TUBGCP6: variants seen among roughly 807,000 people sequenced by gnomAD.
The protein encoded by TUBGCP6 is tubulin gamma complex component 6.
In TUBGCP6, 161 loss-of-function variants were observed where a neutral mutation model predicts 175.8. The ratio of observed to expected loss-of-function variants is 0.92; its 90% CI spans 0.81 to 1.04. The LOEUF is 1.04. TUBGCP6 is among the 50% of genes least tolerant of loss of function. TUBGCP6 has a pLI of 0.00. For missense variants in TUBGCP6, 2,572 were observed against 2,433.0 expected (o/e 1.06, Z -1.20); for synonymous variants, 1,173 against 1,030.5 (o/e 1.14, Z -2.65).
intron 14 of TUBGCP6, 131 bp downstream of exon 14, chr22:50,222,323 A>T (rs1483762142): frequency 7.2e-7 from 1 of 1,388,976 alleles, no homozygotes; most frequent in Non-Finnish European, 9.9e-7. Flanking sequence ...GGGGAGAGAG[A>T]GTGCTCTGCC....
Position 50,220,902 on chromosome 22 carries a change from G to C in TUBGCP6, c.3457C>G (p.Pro1153Ala). ...RVGENVSDVA[P>A]TRPRWNTHGH... Reference sequence around the variant, plus strand: ...TGGGTGTTCCACCGTGGCCGGGTGGGAGCCACGTCCGACACGTTCTCCCCA... The same window carrying C: ...TGGGTGTTCCACCGTGGCCGGGTGGCAGCCACGTCCGACACGTTCTCCCCA... The change falls in exon 16 of 25, where the codon CCC (proline) becomes GCC (alanine). Residue 1153 changes from proline to alanine, a missense_variant. By Grantham distance (27) the Pro-to-Ala change is conservative. Transcript: ENST00000248846. The C allele has an allele frequency of 1.2e-6, 2 of 1,612,450 alleles. No homozygotes were observed. Among genetic ancestry groups the C allele is most frequent in the Non-Finnish European group, 1.7e-6 (2 of 1,179,712 alleles).
chr22:50,219,956 C>T lies in TUBGCP6; in HGVS notation c.4167+1G>A. 1 of 1,614,096 alleles carries T rather than the reference C, an allele frequency of 6.2e-7. No homozygotes were observed. The highest frequency in any genetic ancestry group is 8.5e-7 in the Non-Finnish European group (1 of 1,179,982). Reference sequence around the variant, plus strand: ...GGACCCCCAGGCTGCATCCACCTAACCTGTGAGTTGAGAGGCCAATTTGGA... The same window carrying T: ...GGACCCCCAGGCTGCATCCACCTAATCTGTGAGTTGAGAGGCCAATTTGGA... On this transcript the variant is annotated splice_donor_variant, in intron 17 of 24. Coordinates refer to ENST00000248846, the MANE Select transcript of TUBGCP6 (RefSeq NM_020461.4). LOFTEE classifies it high-confidence loss of function.
At position 50,222,587 on chromosome 22, in the gene TUBGCP6, G is replaced by A. The variant is rs986833954; in HGVS notation, c.2276C>T (p.Ala759Val). 6.2e-7 allele frequency: 1 copy of A among 1,611,028 alleles called. No individual in the cohort carries two copies. The highest frequency in any genetic ancestry group is 8.5e-7 in the Non-Finnish European group (1 of 1,179,998). Residue 759 changes from alanine (A) to valine (V), a missense_variant, in exon 14 of 25, where the codon GCA becomes GTA. Physicochemically the swap from Ala to Val is moderately conservative, Grantham distance 64 (BLOSUM62 0). Transcript: ENST00000248846. ...GAGCTTGCTGTAGTGGTCGACCAGT[G>A]CCTGCCTGAAGCCACACACCAGAGA... is the stretch of plus-strand genomic sequence containing the variant. ...EEELERKARQ[A>V]LVDHYSKLSA...
Position 50,226,499 on chromosome 22 carries a change from T to C in TUBGCP6, c.1602-121A>G, listed in dbSNP as rs572403281. On this transcript the variant is annotated intron_variant, in intron 7 of 24. Transcript: ENST00000248846. ...TGAGGGGCAAGTGGGGGCGTAGCTG[T>C]GAGAGGTGGAGTGGGGTGTGGCCAT... 1.1e-3 allele frequency: 961 copies of C among 845,290 alleles called. 3 individuals are homozygous for C. The highest frequency in any genetic ancestry group is 2.5e-3 in the Middle Eastern group (10 of 3,944). 52.4% of individuals were successfully genotyped at this position (845,290 alleles called of 1,614,324 possible).
chr22:50,228,137 T>G (rs2064639818), intron 4 of TUBGCP6, 109 bp from the exon 5 acceptor site: 1 of 1,313,512 alleles, frequency 7.6e-7, no homozygotes, highest in African/African-American at 1.5e-5. Flanking sequence ...TTGCCTCAGC[T>G]CTGGGCTCCA....
intron 3 of TUBGCP6, among the ~76,000 whole-genome samples, chr22:50,233,088 C>A (rs1208604999): frequency 3.3e-5 from 5 of 152,246 alleles, no homozygotes; most frequent in African/African-American, 1.2e-4. Flanking sequence ...CAGCAATAAA[C>A]ATGTTATTTC....
rs138609686 is a variant in TUBGCP6 at position 50,217,807 on chromosome 22, G to A, written c.5389C>T (p.Arg1797Cys). 1.0e-4 allele frequency: 169 copies of A among 1,613,958 alleles called. No homozygotes were observed. The Middle Eastern group carries it at 1.8e-3, about 17-fold the overall frequency. Reference protein sequence around the residue: ...LFKVVTKLVNRGYQPHLEDFL... With the variant: ...LFKVVTKLVNCGYQPHLEDFL... The stretch of plus-strand genomic sequence containing the variant: ...TCCTCCAGGTGGGGCTGGTAGCCGC[G>A]GTTCACCAGCTTGGTCACCACTGGG... Residue 1797 changes from arginine to cysteine, a missense_variant, in exon 25 of 25, where the codon CGC becomes TGC. Coordinates refer to ENST00000248846, the MANE Select transcript of TUBGCP6 (RefSeq NM_020461.4).
Position 50,240,243 on chromosome 22 carries a change from T to C in TUBGCP6, c.866A>G (p.Tyr289Cys), listed in dbSNP as rs771849680. Residue 289 changes from tyrosine (Y) to cysteine (C), a missense_variant, in exon 2 of 25, where the codon TAT (tyrosine) becomes TGT (cysteine). Tyr to Cys is a radical substitution (Grantham distance 194). Coordinates refer to ENST00000248846, the MANE Select transcript of TUBGCP6 (RefSeq NM_020461.4). Reference sequence around the variant, plus strand: ...CCAGCACCTCCGCTTGCTGGCCTCATAGGTAAGTGCGGCTTCCCACAGGTC... The same window carrying C: ...CCAGCACCTCCGCTTGCTGGCCTCACAGGTAAGTGCGGCTTCCCACAGGTC... Reference protein sequence around the residue: ...DVDLWEAALTYEASKRRCWER... With the variant: ...DVDLWEAALTCEASKRRCWER... 1.1e-5 allele frequency: 17 copies of C among 1,613,940 alleles called. No individual in the cohort carries two copies. The South Asian group carries it at 1.8e-4, about 17-fold the overall frequency.
chr22:50,241,397 C>T (rs2064837395), intron 1 of TUBGCP6, among the ~76,000 whole-genome samples: 1 of 152,088 alleles, frequency 6.6e-6, no homozygotes, highest in Non-Finnish European at 1.5e-5. Flanking sequence ...CTTAGCAGAC[C>T]AGGAAAGGGA....
chr22:50,242,120 G>A (rs1454261038), intron 1 of TUBGCP6, among the ~76,000 whole-genome samples: 3 of 151,604 alleles, frequency 2.0e-5, no homozygotes, highest in Non-Finnish European at 2.9e-5. Context: ...GTGAAACCCC[G>A]TCTCTACTAA....
In TUBGCP6 at chr22:50,240,194, G is replaced by A. The variant is rs780511352; in HGVS notation, c.905+10C>T. On this transcript the variant is annotated intron_variant, in intron 2 of 24. Coordinates refer to ENST00000248846, the MANE Select transcript of TUBGCP6 (RefSeq NM_020461.4). ...GGGCACTGCATGCCAAGGCAAAGAA[G>A]GGCACACACCAGCCAACTCGCTCCC... 4 of 1,613,224 alleles carry A rather than the reference G, an allele frequency of 2.5e-6. No homozygotes were observed. The highest frequency in any genetic ancestry group is 3.4e-6 in the Non-Finnish European group (4 of 1,179,984).
chr22:50,230,017 G>T (rs1295527221), intron 3 of TUBGCP6, among the ~76,000 whole-genome samples: 2 of 152,072 alleles, frequency 1.3e-5, no homozygotes, highest in Non-Finnish European at 2.9e-5. Flanking sequence ...CCCAATAGAG[G>T]GCTCATGACA....
At position 50,221,494 on chromosome 22, in the gene TUBGCP6, A is replaced by G. The variant is rs1301988762; in HGVS notation, c.2865T>C (p.Thr955=). ...PSRPQEYDFS[T]VLRPAVATSP... ...AGGTGGCCACAGCTGGCCTCAGGACAGTACTAAAGTCGTACTCCTGTGGCC... is the reference window on the plus strand; with the variant it reads ...AGGTGGCCACAGCTGGCCTCAGGACGGTACTAAAGTCGTACTCCTGTGGCC... Residue 955 remains threonine (T), a synonymous_variant, in exon 16 of 25, where the codon ACT becomes ACC. Coordinates refer to ENST00000248846, the MANE Select transcript of TUBGCP6 (RefSeq NM_020461.4). 3 of 1,587,418 alleles carry G rather than the reference A, an allele frequency of 1.9e-6. No individual in the cohort carries two copies. The highest frequency in any genetic ancestry group is 1.8e-5 in the Admixed American group (1 of 55,726).
Position 50,220,141 on chromosome 22 carries a change from A to G in TUBGCP6, c.4108+110T>C, listed in dbSNP as rs17248273. 0.4 allele frequency: 621,411 copies of G among 1,545,284 alleles called. 125,562 individuals are homozygous for G. The highest frequency in any genetic ancestry group is 0.48 in the African/African-American group (35,026 of 73,196). The stretch of plus-strand genomic sequence containing the variant: ...CACAGCAGCCCAGGTCCTGGCTGAC[A>G]AGGAGGCCTGAGGGGAACTTCACAT... On this transcript the variant is annotated intron_variant, in intron 16 of 24. Coordinates refer to ENST00000248846, the MANE Select transcript of TUBGCP6 (RefSeq NM_020461.4).
In TUBGCP6 at chr22:50,244,669, G is replaced by A. The variant is rs1431400966; in HGVS notation, c.-210C>T. ...ACACGCCCTGCCCTCCCCAGTCCAA[G>A]CACGCTGCCCGGCGCCCGGCAGCCC... is the stretch of plus-strand genomic sequence containing the variant. On this transcript the variant is annotated 5_prime_UTR_variant, in exon 1 of 25. Coordinates refer to ENST00000248846, the MANE Select transcript of TUBGCP6 (RefSeq NM_020461.4). The A allele has an allele frequency of 6.4e-6, 5 of 778,674 alleles. No individual in the cohort carries two copies. The highest frequency in any genetic ancestry group is 5.3e-5 in the African/African-American group (3 of 56,944). The allele number at this position is 778,674 out of a possible 1,614,324, so 48.2% of individuals were successfully genotyped here.
At position 50,221,865 on chromosome 22, in the gene TUBGCP6, G is replaced by T. The variant is rs775476988; in HGVS notation, c.2494C>A (p.Pro832Thr). The T allele has an allele frequency of 1.3e-6, 2 of 1,513,466 alleles. No individual in the cohort carries two copies. Among genetic ancestry groups the T allele is most frequent in the East Asian group, 2.3e-5 (1 of 43,928 alleles). 93.8% of individuals were successfully genotyped at this position (1,513,466 alleles called of 1,614,324 possible). A position where few individuals can be genotyped will look rare whatever the true frequency, so the allele number is the denominator to read the frequency against. The change falls in exon 16 of 25, where the codon CCG (proline) becomes ACG (threonine). Residue 832 changes from proline (P) to threonine (T), a missense_variant. Transcript: ENST00000248846. ...CCTCCCTCTGGGTGCTCAGGGCCCG[G>T]AGACGTGACCTGAAACACAGGTGAC... is the stretch of plus-strand genomic sequence containing the variant. ...LLSVHPQVTSPGPEHPEGGQG... is the reference protein window; with the variant it reads ...LLSVHPQVTSTGPEHPEGGQG...
chr22:50,231,007 A>G (rs1244104443), intron 3 of TUBGCP6, among the ~76,000 whole-genome samples: 4 of 143,618 alleles, frequency 2.8e-5, no homozygotes, highest in African/African-American at 5.2e-5. Context: ...GCTTAAACCC[A>G]GGAGGAAGAG....
chr22:50,228,511 C>T (rs2064647729), intron 4 of TUBGCP6, among the ~76,000 whole-genome samples: 1 of 152,168 alleles, frequency 6.6e-6, no homozygotes, highest in South Asian at 2.1e-4. Flanking sequence ...GCAGCAGGCC[C>T]TGCAGGTCAC....
chr22:50,229,412 C>T lies in TUBGCP6; in HGVS notation c.1282G>A (p.Val428Met), dbSNP rs766945103. The T allele has an allele frequency of 4.3e-6, 7 of 1,613,408 alleles. No individual in the cohort carries two copies. Among genetic ancestry groups the T allele is most frequent in the South Asian group, 1.1e-5 (1 of 90,976 alleles). ...TGAGGCAAAGGCCATACCTGGAACA[C>T]GAGGCCCTTGCTGTACAAAGAGTCC... is the stretch of plus-strand genomic sequence containing the variant. ...VLDSLYSKGL[V>M]FQAFTSGLRR... Residue 428 changes from valine to methionine, a missense_variant, in exon 4 of 25, where the codon GTG becomes ATG. Physicochemically the swap from Val to Met is conservative, Grantham distance 21. Coordinates refer to ENST00000248846, the MANE Select transcript of TUBGCP6 (RefSeq NM_020461.4).
Sources: allele counts gnomAD v4.1 joint callset (sites outside exome capture counted in the v4.1 genomes callset), GRCh38; gene constraint gnomAD v4.1.1; transcripts MANE v1.5; gene names NCBI Gene and HGNC (gene_info 2026-07-23, HGNC 2026-07-21).